The following LRP2 variants were observed in gnomAD, a reference collection of about 807,000 sequenced individuals.
LRP2 encodes LDL receptor related protein 2.
LRP2 carries 172 observed loss-of-function variants against 531.0 expected under a neutral mutation model. The ratio of observed to expected loss-of-function variants is 0.32; its 90% confidence interval spans 0.29 to 0.37. LRP2 has a LOEUF of 0.37. LRP2 is among the 10% of genes least tolerant of loss of function. The probability of loss-of-function intolerance (pLI) is 1.00; values close to 1 mark genes in which losing one functional copy is unlikely to be tolerated. For synonymous variants in LRP2, 1,992 were observed against 2,027.6 expected (o/e 0.98, Z 0.47); for missense variants, 5,167 against 5,868.3 (o/e 0.88, Z 3.90).
chr2:169,191,396 T>C (rs1687824629), intron 48 of LRP2, among the ~76,000 whole-genome samples: 2 of 152,172 alleles, frequency 1.3e-5, no homozygotes, highest in African/African-American at 4.8e-5. Context: ...GGTCACCAGC[T>C]TCAAGAAAGA....
intron 33 of LRP2, 48 bp from the exon 34 acceptor site, chr2:169,220,611 A>C (rs372011852): frequency 7.9e-7 from 1 of 1,263,060 alleles, no homozygotes. Context: ...AAGGGGAACC[A>C]AAGGAAACTG....
chr2:169,182,576 G>T, intron 50 of LRP2: 2 of 1,342,586 alleles, frequency 1.5e-6, no homozygotes, highest in South Asian at 1.5e-5. Context: ...CACTTCATTC[G>T]ACGGGTCTGG....
At chr2:169,129,440 T>C (rs917208915) in intron 77 of LRP2, among the ~76,000 whole-genome samples, 5 of 152,242 alleles carry the variant, frequency 3.3e-5, no homozygotes, top group African/African-American at 1.2e-4. Context: ...AAGAGATTTC[T>C]GGGGCTGCCT....
chr2:169,327,901 G>T (rs867122570), intron 1 of LRP2, among the ~76,000 whole-genome samples: 1 of 74,412 alleles, frequency 1.3e-5, no homozygotes, highest in Non-Finnish European at 2.6e-5. Flanking sequence ...TCAGCCCCCC[G>T]CCCGGCCAGC....
At position 169,244,944 on chromosome 2, in the gene LRP2, A is replaced by G; in HGVS notation, c.3191-12T>C. 1 of 1,614,158 alleles carries G rather than the reference A, an allele frequency of 6.2e-7. No individual in the cohort carries two copies. The highest frequency in any genetic ancestry group is 2.2e-5 in the East Asian group (1 of 44,888). On this transcript the variant is annotated splice_polypyrimidine_tract_variant and intron_variant, in intron 21 of 78. Coordinates refer to ENST00000649046, the MANE Select transcript of LRP2 (RefSeq NM_004525.3). ...TGAACAGGTATTATCTACAATAGTA[A>G]CAAACTGGTCATGAAGACATTTGTT...
chr2:169,176,678 A>C, intron 53 of LRP2, 90 bp from the exon 54 acceptor site: 114 of 1,126,696 alleles, frequency 1.0e-4, no homozygotes, highest in Non-Finnish European at 1.4e-4. Context: ...CTTTAAACTC[A>C]TCACCTCTTA....
At chr2:169,270,018 C>T (rs1683359958) in intron 16 of LRP2, among the ~76,000 whole-genome samples, 2 of 152,174 alleles carry the variant, frequency 1.3e-5, no homozygotes, top group Non-Finnish European at 2.9e-5. Context: ...CTCATCATCA[C>T]TAGCCATCAG....
intron 44 of LRP2, among the ~76,000 whole-genome samples, chr2:169,199,307 T>C (rs1208303953): frequency 6.6e-6 from 1 of 152,236 alleles, no homozygotes; most frequent in Non-Finnish European, 1.5e-5. Context: ...TCAGGATATA[T>C]TGTTAATAGT....
chr2:169,182,205 A>G lies in LRP2; in HGVS notation c.9960T>C (p.Phe3320=). The G allele has an allele frequency of 6.2e-7, 1 of 1,614,192 alleles. No individual in the cohort carries two copies. Among genetic ancestry groups the G allele is most frequent in the Non-Finnish European group, 8.5e-7 (1 of 1,180,014 alleles). Residue 3320 remains phenylalanine, a synonymous_variant, in exon 51 of 79, where the codon TTT becomes TTC. Transcript: ENST00000649046. ...HCVDANNTFC[F]DNPRGLALHP... is the part of the protein sequence containing the mutation. ...GAAGGGCAAGTCCTCTGGGATTATC[A>G]AAGCAGAAGGTGTTGTTGGCATCCA...
chr2:169,148,673 TAAATACTC>T (rs1396793330), intron 68 of LRP2, among the ~76,000 whole-genome samples: 1 of 152,074 alleles, frequency 6.6e-6, no homozygotes, highest in Non-Finnish European at 1.5e-5. Context: ...TAAAAAGTAT[TAAATACTC>T]AAAACTAAAA....
At chr2:169,186,525 G>T (rs1687641914) in intron 49 of LRP2, among the ~76,000 whole-genome samples, 1 of 152,196 alleles carries the variant, frequency 6.6e-6, no homozygotes, top group African/African-American at 2.4e-5. Context: ...ACCCAAAAAT[G>T]ATCTACAGAG....
At chr2:169,348,767 A>G (rs905929130) in intron 1 of LRP2, among the ~76,000 whole-genome samples, 1 of 152,210 alleles carries the variant, frequency 6.6e-6, no homozygotes, top group African/African-American at 2.4e-5. Flanking sequence ...TGCAGATTCA[A>G]CTACTCAAAT....
In LRP2 at chr2:169,236,038, G is replaced by A; in HGVS notation, c.4722C>T (p.Gly1574=). The A allele has an allele frequency of 6.2e-7, 1 of 1,614,030 alleles. No homozygotes were observed. The stretch of plus-strand genomic sequence containing the variant: ...TGGCTCGCTCGATGCGAGGGTGGTG[G>A]CCCCAGTCAGACCAGAACAGTAGAT... The part of the protein sequence containing the change: ...NEHLLFWSDW[G]HHPRIERASM... Residue 1574 remains glycine, a synonymous_variant, in exon 29 of 79, where the codon GGC becomes GGT. Transcript: ENST00000649046.
At chr2:169,242,329 A>T (rs575751897) in intron 24 of LRP2, among the ~76,000 whole-genome samples, 10 of 152,336 alleles carry the variant, frequency 6.6e-5, no homozygotes, top group Non-Finnish European at 1.3e-4. Context: ...AAGATTATAG[A>T]TCCATCAGAA....
intron 25 of LRP2, chr2:169,240,784 C>A: frequency 1.5e-6 from 1 of 657,762 alleles, no homozygotes; most frequent in Non-Finnish European, 2.7e-6. Context: ...AAACACATAA[C>A]CAAGTACAAA....
At chr2:169,133,075 C>A (rs1685351516) in intron 76 of LRP2, among the ~76,000 whole-genome samples, 1 of 152,210 alleles carries the variant, frequency 6.6e-6, no homozygotes. Flanking sequence ...AATTCCCCAA[C>A]CTCACTGATG....
intron 24 of LRP2, among the ~76,000 whole-genome samples, chr2:169,241,620 C>T (rs1574170458): frequency 6.6e-6 from 1 of 152,118 alleles, no homozygotes; most frequent in Admixed American, 6.5e-5. Flanking sequence ...CAGATGAGTA[C>T]CTGTGTCAAA....
intron 4 of LRP2, among the ~76,000 whole-genome samples, chr2:169,298,732 T>C (rs762885227): frequency 4.6e-5 from 7 of 152,084 alleles, no homozygotes; most frequent in Non-Finnish European, 8.8e-5. Flanking sequence ...TACTTCAATA[T>C]GATATAATCT....
At chr2:169,329,637 A>G (rs1007749966) in intron 1 of LRP2, among the ~76,000 whole-genome samples, 9 of 152,198 alleles carry the variant, frequency 5.9e-5, no homozygotes, top group Non-Finnish European at 8.8e-5. Context: ...CCATGAAAAG[A>G]GCTTGGAGCT....
Sources: allele counts gnomAD v4.1 joint callset (sites outside exome capture counted in the v4.1 genomes callset), GRCh38; gene constraint gnomAD v4.1.1; transcripts MANE v1.5; gene names NCBI Gene and HGNC (gene_info 2026-07-23, HGNC 2026-07-21).